MAGI2: variants seen among roughly 807,000 people sequenced by gnomAD.
MAGI2 encodes membrane-associated guanylate kinase, WW and PDZ domain-containing protein 2.
A neutral mutation model predicts 133.3 loss-of-function variants in MAGI2; 35 were observed. That is an observed-to-expected ratio of 0.26 (90% CI 0.20 to 0.35). MAGI2 has a LOEUF of 0.35. Ranked by LOEUF, MAGI2 falls within the 10% of genes least tolerant of loss-of-function variation. MAGI2 has a pLI of 1.00. For synonymous variants in MAGI2, 729 were observed against 710.6 expected, an observed-to-expected ratio of 1.03 and a Z score of -0.41; for missense variants, 1,636 against 1,863.4, an observed-to-expected ratio of 0.88 and a Z score of 2.25.
intron 1 of MAGI2, among the ~76,000 whole-genome samples, chr7:79,097,835 A>G (rs949999755): frequency 6.6e-6 from 1 of 152,142 alleles, no homozygotes; most frequent in Non-Finnish European, 1.5e-5. Context: ...AAAATAGCTG[A>G]TGTGGGCCAG....
At chr7:78,628,668 T>C (rs1219949717) in intron 2 of MAGI2, among the ~76,000 whole-genome samples, 1 of 151,642 alleles carries the variant, frequency 6.6e-6, no homozygotes, top group Non-Finnish European at 1.5e-5. Flanking sequence ...TTTTCCATAA[T>C]CATGTTTAAT....
rs554529806 is a variant in MAGI2, at chr7:78,501,484, CT to C, written c.965+92del. On this transcript the variant is annotated intron_variant, in intron 5 of 21. Coordinates refer to ENST00000354212, the MANE Select transcript of MAGI2 (RefSeq NM_012301.4). Reference sequence around the variant, plus strand: ...TGTTACCAGAATTTCATGTTTTTTTCTTTTTTTTTTTTTTTCCACGTCTAAC... The same window carrying C: ...TGTTACCAGAATTTCATGTTTTTTTCTTTTTTTTTTTTTTCCACGTCTAAC... The C allele has an allele frequency of 0.063, 50,857 of 810,354 alleles. 100 individuals are homozygous for C. Among genetic ancestry groups the C allele is most frequent in the East Asian group, 0.1 (3,453 of 34,558 alleles). The allele number at this position is 810,354 out of a possible 1,614,324, so 50.2% of individuals were successfully genotyped here. A position where few individuals can be genotyped will look rare whatever the true frequency, so the allele number is the denominator to read the frequency against.
chr7:79,400,656 T>A (rs924779710), intron 1 of MAGI2, among the ~76,000 whole-genome samples: 5 of 152,326 alleles, frequency 3.3e-5, no homozygotes, highest in African/African-American at 1.2e-4. Context: ...TCCTAGTACT[T>A]TTAAATAAAT....
intron 6 of MAGI2, among the ~76,000 whole-genome samples, chr7:78,425,149 G>T (rs538792334): frequency 8.1e-4 from 124 of 152,194 alleles, no homozygotes; most frequent in African/African-American, 3.0e-3. Flanking sequence ...TTGAATTATG[G>T]GGGCGGGTCT....
At chr7:78,723,230 A>T (rs1011894790) in intron 2 of MAGI2, among the ~76,000 whole-genome samples, 1 of 152,338 alleles carries the variant, frequency 6.6e-6, no homozygotes, top group Middle Eastern at 3.4e-3. Context: ...TGGTCAATAT[A>T]TATGTTTATA....
intron 10 of MAGI2, chr7:78,255,035 T>C (rs13243622): frequency 0.14 from 21,437 of 152,340 alleles, 2,008 homozygotes; most frequent in Middle Eastern, 0.25. Context: ...AAACCAGGGC[T>C]TAGCCTGATC....
chr7:78,145,651 G>T (rs1330917924), intron 16 of MAGI2, among the ~76,000 whole-genome samples: 16 of 152,102 alleles, frequency 1.1e-4, no homozygotes, highest in Non-Finnish European at 1.3e-4. Context: ...CAGCAAGAAG[G>T]CCCTTGCCAG....
intron 6 of MAGI2, among the ~76,000 whole-genome samples, chr7:78,447,159 T>C (rs1261372173): frequency 3.3e-5 from 5 of 152,076 alleles, no homozygotes; most frequent in African/African-American, 1.2e-4. Context: ...GCTAGGAAAA[T>C]GGATTTGTTT....
chr7:78,809,062 T>C (rs988150139), intron 2 of MAGI2, among the ~76,000 whole-genome samples: 4 of 152,204 alleles, frequency 2.6e-5, no homozygotes, highest in South Asian at 2.1e-4. Flanking sequence ...TAACTTAACA[T>C]TGATGGTGAA....
chr7:79,034,937 G>A (rs1810969848), intron 1 of MAGI2, among the ~76,000 whole-genome samples: 1 of 152,136 alleles, frequency 6.6e-6, no homozygotes, highest in African/African-American at 2.4e-5. Context: ...AGGGCTTTGA[G>A]TTGCTGTCTA....
intron 2 of MAGI2, among the ~76,000 whole-genome samples, chr7:78,679,006 G>C (rs1353774765): frequency 5.9e-5 from 9 of 152,062 alleles, no homozygotes. Context: ...AACTTTCTAA[G>C]TAATTTCTAT....
chr7:78,467,547 T>C (rs560143836), intron 6 of MAGI2, among the ~76,000 whole-genome samples: 136 of 151,682 alleles, frequency 9.0e-4, no homozygotes, highest in Admixed American at 1.5e-3. Flanking sequence ...ACAATATACT[T>C]AGAGGGTATT....
intron 3 of MAGI2, among the ~76,000 whole-genome samples, chr7:78,571,548 A>C (rs1264331168): frequency 1.3e-5 from 2 of 152,170 alleles, no homozygotes; most frequent in South Asian, 2.1e-4. Context: ...AAGTACTTTC[A>C]GTCATTTTTA....
chr7:79,127,149 C>T (rs1584992114), intron 1 of MAGI2, among the ~76,000 whole-genome samples: 1 of 152,128 alleles, frequency 6.6e-6, no homozygotes, highest in African/African-American at 2.4e-5. Flanking sequence ...TTTATGGCTG[C>T]ATAGTATTCC....
At chr7:78,257,325 G>A (rs1327598895) in intron 9 of MAGI2, among the ~76,000 whole-genome samples, 2 of 152,166 alleles carry the variant, frequency 1.3e-5, no homozygotes, top group African/African-American at 2.4e-5. Flanking sequence ...CAATAAATGT[G>A]GACTATTATT....
Position 79,227,036 on chromosome 7 carries a change from CATTT to C in MAGI2, c.302-219834_302-219831del, listed in dbSNP as rs556691247. 2.6e-5 allele frequency among the ~76,000 whole-genome samples: 4 copies of C among 152,182 alleles called. No homozygotes were observed. The South Asian group carries it at 6.2e-4, about 24-fold the overall frequency. On this transcript the variant is annotated intron_variant, in intron 1 of 21. Coordinates refer to ENST00000354212, the MANE Select transcript of MAGI2 (RefSeq NM_012301.4). Reference sequence around the variant, plus strand: ...CTACTGAAGTAAACATTTCAAGAAGCATTTATTTTTGCACTTAAACAGTCAATAT... The same window carrying C: ...CTACTGAAGTAAACATTTCAAGAAGCATTTTTGCACTTAAACAGTCAATAT...
At chr7:79,214,442 T>TATATATATATATATAA (rs1374232866) in intron 1 of MAGI2, among the ~76,000 whole-genome samples, 5 of 110,630 alleles carry the variant, frequency 4.5e-5, no homozygotes, top group Non-Finnish European at 7.5e-5. Flanking sequence ...TATATATATA[T>TATATATATATATATAA]AAATATGCAC....
At chr7:78,124,929 C>G (rs1463829947) in intron 20 of MAGI2, among the ~76,000 whole-genome samples, 1 of 148,500 alleles carries the variant, frequency 6.7e-6, no homozygotes, top group Non-Finnish European at 1.5e-5. Flanking sequence ...GTGGCACGAT[C>G]TTGGCTCACT....
At chr7:78,497,047 G>A (rs1794152118) in intron 5 of MAGI2, among the ~76,000 whole-genome samples, 1 of 152,076 alleles carries the variant, frequency 6.6e-6, no homozygotes, top group South Asian at 2.1e-4. Flanking sequence ...TGTTGTTAAG[G>A]TAACGCGAAT....
Sources: allele counts gnomAD v4.1 joint callset (sites outside exome capture counted in the v4.1 genomes callset), GRCh38; gene constraint gnomAD v4.1.1; transcripts MANE v1.5; gene names NCBI Gene and HGNC (gene_info 2026-07-23, HGNC 2026-07-21).